Variants in PDLIM5 observed in about 807,000 individuals in gnomAD.
PDLIM5 encodes the protein PDZ and LIM domain protein 5.
Under a neutral mutation model 64.2 loss-of-function variants are expected in PDLIM5, and 34 were observed. That is an observed-to-expected ratio of 0.53 (90% CI 0.40 to 0.71). The LOEUF (loss-of-function observed/expected upper bound fraction) is 0.71, where lower values mean the gene tolerates loss of function less well. PDLIM5 is among the 30% of genes least tolerant of loss of function. The pLI is 0.00. For missense variants in PDLIM5, 683 were observed against 733.6 expected (o/e 0.93, Z 0.80); for synonymous variants, 253 against 269.1 (o/e 0.94, Z 0.59).
chr4:94,488,455 A>AT (rs1451958910), intron 2 of PDLIM5, among the ~76,000 whole-genome samples: 4 of 152,110 alleles, frequency 2.6e-5, no homozygotes, highest in Non-Finnish European at 2.9e-5. Context: ...TGGAAAAATA[A>AT]TTTTTTTAAA....
intron 2 of PDLIM5, among the ~76,000 whole-genome samples, chr4:94,458,584 T>C (rs1187565781): frequency 6.6e-6 from 1 of 152,182 alleles, no homozygotes; most frequent in Non-Finnish European, 1.5e-5. Flanking sequence ...AGTTCAAAAC[T>C]GTGCAATTTT....
At chr4:94,522,305 A>G (rs1452835797) in intron 2 of PDLIM5, among the ~76,000 whole-genome samples, 2 of 152,226 alleles carry the variant, frequency 1.3e-5, no homozygotes, top group Non-Finnish European at 2.9e-5. Flanking sequence ...AATGTTTTCT[A>G]AAATCATTAG....
intron 8 of PDLIM5, among the ~76,000 whole-genome samples, chr4:94,621,070 CAAAAAAAAAAA>C (rs10526750): frequency 6.9e-4 from 56 of 81,590 alleles, no homozygotes; most frequent in South Asian, 7.7e-4. Context: ...GACTCTGTCT[CAAAAAAAAAAA>C]AAAAAAAAAA....
intron 7 of PDLIM5, among the ~76,000 whole-genome samples, chr4:94,600,383 G>A (rs1454363327): frequency 6.6e-6 from 1 of 152,184 alleles, no homozygotes; most frequent in Non-Finnish European, 1.5e-5. Flanking sequence ...ATGAGGTACT[G>A]TGCTGGCTTT....
intron 2 of PDLIM5, among the ~76,000 whole-genome samples, chr4:94,481,783 G>T (rs1345032704): frequency 6.6e-6 from 1 of 151,198 alleles, no homozygotes; most frequent in Non-Finnish European, 1.5e-5. Context: ...TAATTTTTTT[G>T]TATTTTTAGT....
At chr4:94,452,719 T>A (rs1020086060) in intron 1 of PDLIM5, among the ~76,000 whole-genome samples, 12 of 152,096 alleles carry the variant, frequency 7.9e-5, no homozygotes, top group Non-Finnish European at 1.5e-4. Context: ...GAAGGAAAAT[T>A]CGTGGCGGCG....
intron 9 of PDLIM5, among the ~76,000 whole-genome samples, chr4:94,653,121 G>A (rs140344720): frequency 1.7e-3 from 254 of 152,092 alleles, no homozygotes; most frequent in African/African-American, 5.9e-3. Flanking sequence ...CCATGTGGTC[G>A]CTTAGGGATG....
rs1265465006 is a variant in PDLIM5, at chr4:94,654,614, G to C, written c.1438G>C (p.Gly480Arg). The change falls in exon 10 of 13, where the codon GGT becomes CGT. Residue 480 changes from glycine (G) to arginine (R), a missense_variant. Gly to Arg is a moderately radical substitution (Grantham distance 125, BLOSUM62 -2). Coordinates refer to ENST00000317968, the MANE Select transcript of PDLIM5 (RefSeq NM_006457.5). The stretch of plus-strand genomic sequence containing the variant: ...TGAGAAATTCTTTGCCCCTGAATGT[G>C]GTCGATGCCAAAGGAAGATCCTTGG... The part of the protein sequence containing the change: ...CYEKFFAPEC[G>R]RCQRKILGEV... 1.2e-6 allele frequency: 2 copies of C among 1,611,202 alleles called. No individual in the cohort carries two copies. The highest frequency in any genetic ancestry group is 3.3e-5 in the Admixed American group (2 of 59,954).
chr4:94,511,228 T>G (rs1173244096), intron 2 of PDLIM5, among the ~76,000 whole-genome samples: 2 of 152,208 alleles, frequency 1.3e-5, no homozygotes, highest in Non-Finnish European at 2.9e-5. Context: ...CATACATAGT[T>G]TGTGGAATTA....
chr4:94,588,902 T>C (rs1489343606), intron 7 of PDLIM5, among the ~76,000 whole-genome samples: 1 of 152,224 alleles, frequency 6.6e-6, no homozygotes, highest in Non-Finnish European at 1.5e-5. Flanking sequence ...AAAATAATTC[T>C]AGGATTTATC....
At position 94,567,154 on chromosome 4, in the gene PDLIM5, G is replaced by A. The variant is rs1192149248; in HGVS notation, c.249-6197G>A. The stretch of plus-strand genomic sequence containing the variant: ...ACTACAGGCGCCCGCCACCACACCT[G>A]GCTAATTTTTTTGTATTTTTAGTAG... On this transcript the variant is annotated intron_variant, in intron 3 of 12. Transcript: ENST00000317968. Among the ~76,000 whole-genome samples, 17 of 152,112 alleles carry A rather than the reference G, an allele frequency of 1.1e-4. No homozygotes were observed. In the South Asian group the frequency reaches 2.9e-3, roughly 26 times the overall value.
At chr4:94,548,769 G>T (rs920938443) in intron 3 of PDLIM5, among the ~76,000 whole-genome samples, 2 of 152,034 alleles carry the variant, frequency 1.3e-5, no homozygotes, top group Non-Finnish European at 2.9e-5. Context: ...AGATAAATTG[G>T]TCTTTCTCAG....
At chr4:94,502,851 T>C (rs1728053140) in intron 2 of PDLIM5, among the ~76,000 whole-genome samples, 1 of 151,978 alleles carries the variant, frequency 6.6e-6, no homozygotes, top group African/African-American at 2.4e-5. Flanking sequence ...CACTTCATCC[T>C]GGACAATGGA....
intron 2 of PDLIM5, among the ~76,000 whole-genome samples, chr4:94,467,524 G>C (rs1431104085): frequency 6.6e-6 from 1 of 151,922 alleles, no homozygotes; most frequent in Admixed American, 6.6e-5. Flanking sequence ...ATTTTGGCCA[G>C]GCTGGTCTTG....
chr4:94,463,712 G>C (rs1269635208), intron 2 of PDLIM5, among the ~76,000 whole-genome samples: 1 of 152,208 alleles, frequency 6.6e-6, no homozygotes, highest in Non-Finnish European at 1.5e-5. Flanking sequence ...GTTCAAACCT[G>C]TGTTGTTCAA....
intron 2 of PDLIM5, chr4:94,456,855 A>G: frequency 9.1e-7 from 1 of 1,094,354 alleles, no homozygotes; most frequent in Non-Finnish European, 1.1e-6. Flanking sequence ...GCATCATCTC[A>G]TTTAATTATC....
chr4:94,662,613 A>C lies in PDLIM5; in HGVS notation c.1701+76A>C, dbSNP rs1041852344. ...AGCTTTAGTATTTAATGGAAATATC[A>C]GCTTCTGGGTCTTTCAGTCCTTCAA... On this transcript the variant is annotated intron_variant, in intron 12 of 12. Transcript: ENST00000317968. 86 of 635,996 alleles carry C rather than the reference A, an allele frequency of 1.4e-4. 1 individual carries two copies. In the African/African-American group the frequency reaches 1.5e-3, roughly 11 times the overall value. 39.4% of individuals were successfully genotyped at this position (635,996 alleles called of 1,614,324 possible).
intron 8 of PDLIM5, among the ~76,000 whole-genome samples, chr4:94,620,985 C>CGCTTGG (rs1281768530): frequency 0.056 from 8,021 of 143,604 alleles, 736 homozygotes; most frequent in African/African-American, 0.19. Context: ...GCAGGAGAAT[C>CGCTTGG]ACTTGAACCC....
chr4:94,485,423 T>G lies in PDLIM5; in HGVS notation c.96+30039T>G, dbSNP rs551517580. Among the ~76,000 whole-genome samples the G allele has an allele frequency of 2.0e-4, 31 of 152,322 alleles. 1 individual carries two copies. In the South Asian group the frequency reaches 6.4e-3, roughly 32 times the overall value. Reference sequence around the variant, plus strand: ...CTATGTCATCAAGCAATATGATTAGTCTATAAATGAAAGTATTTCACACAC... The same window carrying G: ...CTATGTCATCAAGCAATATGATTAGGCTATAAATGAAAGTATTTCACACAC... On this transcript the variant is annotated intron_variant, in intron 2 of 12. Transcript: ENST00000317968.
Sources: allele counts gnomAD v4.1 joint callset (sites outside exome capture counted in the v4.1 genomes callset), GRCh38; gene constraint gnomAD v4.1.1; transcripts MANE v1.5; gene names NCBI Gene and HGNC (gene_info 2026-07-23, HGNC 2026-07-21).